The following CBX1 variants were observed in gnomAD, a reference collection of about 807,000 sequenced individuals.
CBX1 encodes chromobox 1, also known as chromobox protein homolog 1.
A neutral mutation model predicts 25.1 loss-of-function variants in CBX1; 10 were observed. That is an observed-to-expected ratio of 0.40 (90% CI 0.25 to 0.68). CBX1 has a LOEUF of 0.68. Ranked by LOEUF, CBX1 falls within the 30% of genes least tolerant of loss-of-function variation. The pLI is 0.40. For missense variants in CBX1, 106 were observed against 218.5 expected, an observed-to-expected ratio of 0.49 and a Z score of 3.25; for synonymous variants, 63 against 79.4, an observed-to-expected ratio of 0.79 and a Z score of 1.10.
At chr17:48,087,573 C>CA (rs907255140) in intron 1 of CBX1, among the ~76,000 whole-genome samples, 13 of 151,174 alleles carry the variant, frequency 8.6e-5, no homozygotes, top group South Asian at 2.1e-4. Flanking sequence ...GACTCCATCT[C>CA]AAAAAAAATT....
At chr17:48,098,296 G>A (rs1009063625) in intron 1 of CBX1, among the ~76,000 whole-genome samples, 2 of 151,780 alleles carry the variant, frequency 1.3e-5, no homozygotes, top group Non-Finnish European at 2.9e-5. Flanking sequence ...GAAACTAACT[G>A]AGGCTAAGAC....
intron 2 of CBX1, 103 bp from the exon 3 acceptor site, chr17:48,076,281 T>A (rs1451753151): frequency 1.1e-6 from 1 of 921,184 alleles, no homozygotes; most frequent in Non-Finnish European, 1.5e-6. Flanking sequence ...ATGGAAAAGC[T>A]GAAATTCTTG....
At chr17:48,091,483 T>A (rs1359559702) in intron 1 of CBX1, among the ~76,000 whole-genome samples, 1 of 150,962 alleles carries the variant, frequency 6.6e-6, no homozygotes, top group Non-Finnish European at 1.5e-5. Flanking sequence ...CAACCGATTC[T>A]CCTGCCTCAG....
intron 1 of CBX1, among the ~76,000 whole-genome samples, chr17:48,086,075 AAAAAC>A (rs996485939): frequency 1.3e-5 from 2 of 152,178 alleles, no homozygotes; most frequent in Non-Finnish European, 2.9e-5. Context: ...TGTCTCAATA[AAAAAC>A]AAAACAAAAC....
intron 1 of CBX1, chr17:48,096,194 A>T: frequency 4.4e-6 from 1 of 225,066 alleles, no homozygotes; most frequent in Non-Finnish European, 7.4e-6. Flanking sequence ...TTTCATTTTT[A>T]AAGGAACACC....
chr17:48,091,560 T>G (rs2063344058), intron 1 of CBX1, among the ~76,000 whole-genome samples: 2 of 94,842 alleles, frequency 2.1e-5, no homozygotes, highest in African/African-American at 3.5e-5. Context: ...TTTTTTTTTT[T>G]GAGACAGAGT....
At chr17:48,098,531 CTT>C (rs1354589050) in intron 1 of CBX1, among the ~76,000 whole-genome samples, 2 of 152,122 alleles carry the variant, frequency 1.3e-5, no homozygotes, top group Non-Finnish European at 2.9e-5. Context: ...GAGTTTCGCT[CTT>C]GTTGCCCAGG....
At chr17:48,087,626 C>T (rs1046058277) in intron 1 of CBX1, among the ~76,000 whole-genome samples, 4 of 151,546 alleles carry the variant, frequency 2.6e-5, no homozygotes, top group African/African-American at 9.7e-5. Context: ...GTAACCCCAA[C>T]ACTTTGGGAG....
chr17:48,077,445 G>GTTTGT (rs1567764383), intron 1 of CBX1, among the ~76,000 whole-genome samples: 1 of 52,418 alleles, frequency 1.9e-5, no homozygotes, highest in African/African-American at 4.8e-5. Flanking sequence ...TTTTTTTTTT[G>GTTTGT]TTTTTTTTGT....
chr17:48,098,537 G>T (rs2063388791), intron 1 of CBX1, among the ~76,000 whole-genome samples: 1 of 152,056 alleles, frequency 6.6e-6, no homozygotes, highest in Admixed American at 6.6e-5. Flanking sequence ...CGCTCTTGTT[G>T]CCCAGGCTGG....
At chr17:48,081,864 T>C (rs1052596433) in intron 1 of CBX1, among the ~76,000 whole-genome samples, 1 of 152,208 alleles carries the variant, frequency 6.6e-6, no homozygotes, top group African/African-American at 2.4e-5. Context: ...CATCCAGAGA[T>C]ACTGTATTAC....
At chr17:48,100,895 C>T (rs941903943) in intron 1 of CBX1, 7 of 985,518 alleles carry the variant, frequency 7.1e-6, no homozygotes, top group East Asian at 1.1e-4. Flanking sequence ...CGGTCGTATG[C>T]GCCTCCTCAC....
intron 1 of CBX1, among the ~76,000 whole-genome samples, chr17:48,084,427 T>C (rs1230160030): frequency 6.8e-6 from 1 of 146,906 alleles, no homozygotes. Context: ...CTCAGCCTGG[T>C]CTCCAACTCC....
At position 48,101,293 on chromosome 17, in the gene CBX1, G is replaced by A. The variant is rs1314042870; in HGVS notation, c.-63C>T. 3 of 986,338 alleles carry A rather than the reference G, an allele frequency of 3.0e-6. No homozygotes were observed. Among genetic ancestry groups the A allele is most frequent in the South Asian group, 4.5e-5 (1 of 22,136 alleles). 61.1% of individuals were successfully genotyped at this position (986,338 alleles called of 1,614,324 possible). A position where few individuals can be genotyped will look rare whatever the true frequency, so the allele number is the denominator to read the frequency against. On this transcript the variant is annotated 5_prime_UTR_variant, in exon 1 of 5. Coordinates refer to ENST00000225603, the MANE Select transcript of CBX1 (RefSeq NM_001127228.2). ...CTCAGAGCAGCGCCCAAGAGCCCGA[G>A]AGGAATCGGTGCTGCGCTGCTGGCG... is the stretch of plus-strand genomic sequence containing the variant.
chr17:48,079,094 G>GCCATGTTCTCTTGTT (rs2037706780), intron 1 of CBX1, among the ~76,000 whole-genome samples: 2 of 151,158 alleles, frequency 1.3e-5, no homozygotes, highest in South Asian at 2.1e-4. Context: ...ACCGAACCCA[G>GCCATGTTCTCTTGTT]CTCCAGCCCC....
chr17:48,078,088 G>C (rs1224444015), intron 1 of CBX1, among the ~76,000 whole-genome samples: 1 of 151,668 alleles, frequency 6.6e-6, no homozygotes, highest in African/African-American at 2.4e-5. Flanking sequence ...AAAAAGAAAA[G>C]CAGTCCTCCT....
In CBX1 at chr17:48,076,968, C is replaced by A; in HGVS notation, c.37G>T (p.Val13Leu). 1.9e-6 allele frequency: 3 copies of A among 1,613,832 alleles called. No homozygotes were observed. The highest frequency in any genetic ancestry group is 2.5e-6 in the Non-Finnish European group (3 of 1,179,874). The change falls in exon 2 of 5, where the codon GTG becomes TTG. Residue 13 changes from valine (V) to leucine (L), a missense_variant. By Grantham distance (32) the Val-to-Leu change is conservative. Coordinates refer to ENST00000225603, the MANE Select transcript of CBX1 (RefSeq NM_001127228.2). ...KKQNKKKVEE[V>L]LEEEEEEYVV... is the part of the protein sequence containing the mutation. ...TATTCCTCTTCCTCCTCTTCTAGCACCTCCTCCACTTTCTTCTTGTTTTGT... is the reference window on the plus strand; with the variant it reads ...TATTCCTCTTCCTCCTCTTCTAGCAACTCCTCCACTTTCTTCTTGTTTTGT...
chr17:48,081,656 G>A (rs2037738946), intron 1 of CBX1, among the ~76,000 whole-genome samples: 1 of 152,022 alleles, frequency 6.6e-6, no homozygotes, highest in Non-Finnish European at 1.5e-5. Context: ...TGGCCAGGCT[G>A]GTCTCGAACT....
intron 4 of CBX1, 106 bp from the exon 5 acceptor site, chr17:48,071,685 A>G: frequency 2.2e-6 from 2 of 919,892 alleles, no homozygotes; most frequent in Admixed American, 6.5e-5. Context: ...TTAGAAAAAT[A>G]GGCTAGGGAA....
Sources: gnomAD v4.1 joint callset for allele counts (sites outside exome capture counted in the v4.1 genomes callset) on GRCh38, gnomAD v4.1.1 for gene constraint, MANE v1.5 for transcripts, NCBI Gene and HGNC (gene_info 2026-07-23, HGNC 2026-07-21) for gene names.